The following ZNF3 variants were observed in gnomAD, a reference collection of about 807,000 sequenced individuals.
ZNF3 encodes the protein C2-H2 type zinc finger protein.
Under a neutral mutation model 36.9 loss-of-function variants are expected in ZNF3, and 16 were observed. The ratio of observed to expected loss-of-function variants is 0.43; its 90% CI spans 0.29 to 0.66. ZNF3 has a LOEUF of 0.66. Ranked by LOEUF, ZNF3 falls within the 30% of genes least tolerant of loss-of-function variation. The pLI is 0.13. For synonymous variants in ZNF3, 201 were observed against 201.9 expected (o/e 1.00, Z 0.04); for missense variants, 462 against 543.1 (o/e 0.85, Z 1.48).
In ZNF3 at chr7:100,071,290, A is replaced by G. The variant is rs763775437; in HGVS notation, c.1194T>C (p.Cys398=). The G allele has an allele frequency of 6.8e-6, 11 of 1,614,086 alleles. No homozygotes were observed. In the East Asian group the frequency reaches 1.1e-4, roughly 16 times the overall value. The change falls in exon 6 of 6, where the codon TGT becomes TGC. Residue 398 remains cysteine, a synonymous_variant. Transcript: ENST00000299667. ...RIHTGENPYE[C]SECGKAFRYS... is the part of the protein sequence containing the mutation. Reference sequence around the variant, plus strand: ...ACCTGAAGGCTTTCCCACACTCACTACATTCATAGGGGTTCTCCCCGGTGT... The same window carrying G: ...ACCTGAAGGCTTTCCCACACTCACTGCATTCATAGGGGTTCTCCCCGGTGT...
At chr7:100,064,028 T>C, downstream of ZNF3, 1 of 1,614,156 alleles carries the variant, frequency 6.2e-7, no homozygotes, top group African/African-American at 1.3e-5. Context: ...AGACGTTATA[T>C]ATGTGCTGAA....
In ZNF3 at chr7:100,074,154, CA is replaced by C. The variant is rs377674967; in HGVS notation, c.271+980del. ...TGGCAACAAGAGTGAAACTCCATCT[CA>C]AAAAAAAAAGGTACCAGATTTGGAG... On this transcript the variant is annotated intron_variant, in intron 5 of 5. Transcript: ENST00000299667. Among the ~76,000 whole-genome samples, 175 of 146,812 alleles carry C rather than the reference CA, an allele frequency of 1.2e-3. 2 individuals are homozygous for C. The East Asian group carries it at 0.032, about 26-fold the overall frequency.
rs770815465 is a variant in ZNF3 at position 100,075,601 on chromosome 7, C to T, written c.85G>A (p.Asp29Asn). The change falls in exon 4 of 6, where the codon GAC becomes AAC. Residue 29 changes from aspartate to asparagine, a missense_variant. By Grantham distance (23) the Asp-to-Asn change is conservative. Transcript: ENST00000299667. ...ATCTCATCCCCCAGGCTGTCCTTGT[C>T]GGAAAAGGCAGGAACTTTTGAAGGA... ...ALPSKVPAFS[D>N]KDSLGDEMLA... The T allele has an allele frequency of 1.1e-5, 17 of 1,613,904 alleles. No individual in the cohort carries two copies. Among genetic ancestry groups the T allele is most frequent in the African/African-American group, 1.3e-5 (1 of 74,894 alleles).
At position 100,071,560 on chromosome 7, in the gene ZNF3, A is replaced by G; in HGVS notation, c.924T>C (p.Gly308=). 1.9e-6 allele frequency: 3 copies of G among 1,605,200 alleles called. No individual in the cohort carries two copies. In the South Asian group the frequency reaches 3.3e-5, roughly 18 times the overall value. ...TLTHHQRIHT[G]EKPYACNECG... ...ATTCATTGCAGGCGTAGGGTTTCTCACCAGTGTGGATTCTCTGATGGTGGG... is the reference window on the plus strand; with the variant it reads ...ATTCATTGCAGGCGTAGGGTTTCTCGCCAGTGTGGATTCTCTGATGGTGGG... The change falls in exon 6 of 6, where the codon GGT becomes GGC. Residue 308 remains glycine, a synonymous_variant. Coordinates refer to ENST00000299667, the MANE Select transcript of ZNF3 (RefSeq NM_032924.5).
rs1793836083 is a variant in ZNF3 at position 100,074,993 on chromosome 7, G to GT, written c.271+141dup. 2.8e-6 allele frequency: 3 copies of GT among 1,062,630 alleles called. No individual in the cohort carries two copies. The Admixed American group carries it at 7.2e-5, about 25-fold the overall frequency. The allele number at this position is 1,062,630 out of a possible 1,614,324, so 65.8% of individuals were successfully genotyped here. On this transcript the variant is annotated intron_variant, in intron 5 of 5. Coordinates refer to ENST00000299667, the MANE Select transcript of ZNF3 (RefSeq NM_032924.5). ...GAACACTTGAATCTGGGAGATGGAT[G>GT]TTGCACTGAGCAAAGATTGTGCCAT... is the stretch of plus-strand genomic sequence containing the variant.
downstream of ZNF3, among the ~76,000 whole-genome samples, chr7:100,069,741 G>A (rs1792851846): frequency 6.6e-6 from 1 of 152,194 alleles, no homozygotes; most frequent in South Asian, 2.1e-4. Flanking sequence ...AGCCTCCTGA[G>A]TAGCTAGGAT....
chr7:100,064,928 A>G (rs1379181183), intron 5 of ZNF3: 2 of 1,610,520 alleles, frequency 1.2e-6, no homozygotes, highest in Non-Finnish European at 1.7e-6. Flanking sequence ...TAAGGAAGAA[A>G]CATTAAGATT....
In ZNF3 at chr7:100,072,110, T is replaced by G. The variant is rs1435988687; in HGVS notation, c.374A>C (p.Lys125Thr). ...RFQKDISQGL[K>T]FKEAYEREVS... ...TTCTCGTTCATAGGCTTCTTTAAAC[T>G]TGAGACCCTGAGAAATATCCTTTTG... The change falls in exon 6 of 6, where the codon AAG (lysine) becomes ACG (threonine). Residue 125 changes from lysine to threonine, a missense_variant. Transcript: ENST00000299667. The G allele has an allele frequency of 6.2e-7, 1 of 1,614,200 alleles. No homozygotes were observed. Among genetic ancestry groups the G allele is most frequent in the Admixed American group, 1.7e-5 (1 of 60,010 alleles).
chr7:100,071,558 T>C lies in ZNF3; in HGVS notation c.926A>G (p.Glu309Gly). ...ACATTCATTGCAGGCGTAGGGTTTCTCACCAGTGTGGATTCTCTGATGGTG... is the reference window on the plus strand; with the variant it reads ...ACATTCATTGCAGGCGTAGGGTTTCCCACCAGTGTGGATTCTCTGATGGTG... ...LTHHQRIHTGEKPYACNECGK... is the reference protein window; with the variant it reads ...LTHHQRIHTGGKPYACNECGK... Residue 309 changes from glutamate to glycine, a missense_variant, in exon 6 of 6, where the codon GAG becomes GGG. Glu to Gly is a moderately conservative substitution (Grantham distance 98, BLOSUM62 -2). Coordinates refer to ENST00000299667, the MANE Select transcript of ZNF3 (RefSeq NM_032924.5). The C allele has an allele frequency of 6.2e-7, 1 of 1,614,134 alleles. No homozygotes were observed. The highest frequency in any genetic ancestry group is 8.5e-7 in the Non-Finnish European group (1 of 1,179,996).
Position 100,071,827 on chromosome 7 carries a change from C to G in ZNF3, c.657G>C (p.Gln219His). The part of the protein sequence containing the change: ...FNRTSDLIQH[Q>H]RIHTGEKPYE... ...AGGGCTTTTCCCCAGTGTGGATTCT[C>G]TGATGTTGAATAAGGTCTGAAGTTC... is the stretch of plus-strand genomic sequence containing the variant. The change falls in exon 6 of 6, where the codon CAG (glutamine) becomes CAC (histidine). Residue 219 changes from glutamine to histidine, a missense_variant. Gln to His is a conservative substitution (Grantham distance 24). Transcript: ENST00000299667. 1.2e-6 allele frequency: 2 copies of G among 1,613,878 alleles called. No individual in the cohort carries two copies.
Position 100,070,641 on chromosome 7 carries a change from A to C in ZNF3, c.*502T>G. On this transcript the variant is annotated 3_prime_UTR_variant, in exon 6 of 6. Coordinates refer to ENST00000299667, the MANE Select transcript of ZNF3 (RefSeq NM_032924.5). Reference sequence around the variant, plus strand: ...AATAATCCCTCAATGCCAAATTTCCATAATTAACGAAATCATGAAACAAAA... The same window carrying C: ...AATAATCCCTCAATGCCAAATTTCCCTAATTAACGAAATCATGAAACAAAA... The C allele has an allele frequency of 1.0e-6, 1 of 989,808 alleles. No individual in the cohort carries two copies. The highest frequency in any genetic ancestry group is 1.2e-6 in the Non-Finnish European group (1 of 832,356). The allele number at this position is 989,808 out of a possible 1,614,324, so 61.3% of individuals were successfully genotyped here. A position where few individuals can be genotyped will look rare whatever the true frequency, so the allele number is the denominator to read the frequency against.
exon 6 of ZNF3, chr7:100,064,842 C>T (rs1161568207): frequency 1.6e-5 from 26 of 1,614,028 alleles, no homozygotes; most frequent in Admixed American, 3.3e-5. Context: ...AGAGTCCCTT[C>T]GCCACACTTA....
exon 6 of ZNF3, chr7:100,064,364 G>GT: frequency 6.2e-7 from 1 of 1,614,156 alleles, no homozygotes; most frequent in Non-Finnish European, 8.5e-7. Flanking sequence ...CCTTATCAGT[G>GT]TAACGAATGT....
downstream of ZNF3, among the ~76,000 whole-genome samples, chr7:100,067,805 C>G (rs1327818516): frequency 6.6e-6 from 1 of 152,194 alleles, no homozygotes; most frequent in African/African-American, 2.4e-5. Flanking sequence ...CCCATCTCCT[C>G]TACAATCTCA....
rs138074395 is a variant in ZNF3, at chr7:100,064,325, G to A, written c.*463C>T. ...TTCAGCGGGAAAGGCAGCCTCATTC[G>A]TCACTATCGGATCCACACTGGGGAG... On this transcript the variant is annotated 3_prime_UTR_variant, in exon 6 of 6. Coordinates refer to the ZNF3 transcript ENST00000413658. The A allele has an allele frequency of 1.8e-4, 298 of 1,613,624 alleles. No homozygotes were observed. The highest frequency in any genetic ancestry group is 2.3e-4 in the Non-Finnish European group (270 of 1,179,924).
Position 100,070,719 on chromosome 7 carries a change from A to T in ZNF3, c.*424T>A. ...CTGGACTAGGAACAGTAGCTTTGAA[A>T]TAGTCTCCCTTTACCCTCCCTAGCA... On this transcript the variant is annotated 3_prime_UTR_variant, in exon 6 of 6. Transcript: ENST00000299667. 1 of 999,534 alleles carries T rather than the reference A, an allele frequency of 1.0e-6. No individual in the cohort carries two copies. The highest frequency in any genetic ancestry group is 1.2e-6 in the Non-Finnish European group (1 of 838,218). The allele number at this position is 999,534 out of a possible 1,614,324, so 61.9% of individuals were successfully genotyped here.
chr7:100,064,570 C>G lies in ZNF3; in HGVS notation c.*218G>C, dbSNP rs756705237. The G allele has an allele frequency of 5.6e-6, 9 of 1,614,104 alleles. No individual in the cohort carries two copies. In the African/African-American group the frequency reaches 1.1e-4, roughly 19 times the overall value. ...AAAGACCTTCTGTAGCAAGTCCAAT[C>G]TTTCCAAACATCAGCGAGTCCACAC... On this transcript the variant is annotated 3_prime_UTR_variant, in exon 6 of 6. Coordinates refer to the ZNF3 transcript ENST00000413658.
downstream of ZNF3, among the ~76,000 whole-genome samples, chr7:100,068,925 TCCTC>T (rs1259906827): frequency 6.6e-6 from 1 of 151,560 alleles, no homozygotes; most frequent in Non-Finnish European, 1.5e-5. Flanking sequence ...TAAGCGATTC[TCCTC>T]CCTCAGTCTC....
At chr7:100,078,928 A>C (rs1281761541) in intron 2 of ZNF3, 3 of 152,208 alleles carry the variant, frequency 2.0e-5, no homozygotes, top group African/African-American at 7.2e-5. Flanking sequence ...TGAGAGAATA[A>C]AAGAAAAAAA....
Sources: gnomAD v4.1 joint callset for allele counts (sites outside exome capture counted in the v4.1 genomes callset) on GRCh38, gnomAD v4.1.1 for gene constraint, MANE v1.5 for transcripts, NCBI Gene and HGNC (gene_info 2026-07-23, HGNC 2026-07-21) for gene names.